Variants in SGK2 observed in about 807,000 individuals in gnomAD.
SGK2 encodes serum/glucocorticoid regulated kinase 2, also known as serine/threonine-protein kinase Sgk2.
In SGK2, 36 loss-of-function variants were observed where a neutral mutation model predicts 47.5. The observed-to-expected ratio is 0.76, with a 90% CI of 0.58 to 1.00. The LOEUF is 1.00. Ranked by LOEUF, SGK2 falls within the 50% of genes least tolerant of loss-of-function variation. The probability of loss-of-function intolerance (pLI) is 0.00; values close to 1 mark genes in which losing one functional copy is unlikely to be tolerated. For missense variants in SGK2, 404 were observed against 467.4 expected (o/e 0.86, Z 1.25); for synonymous variants, 157 against 181.9 (o/e 0.86, Z 1.10).
Position 43,576,449 on chromosome 20 carries a change from C to A in SGK2, c.849+70C>A. On this transcript the variant is annotated intron_variant, in intron 11 of 12. Transcript: ENST00000373100. ...GCTTCCTGCAGAGGCAGCTCAGAAG[C>A]ACATTAACACGCATCCTGCTGCCTT... The A allele has an allele frequency of 7.4e-6, 10 of 1,347,930 alleles. No homozygotes were observed. In the South Asian group the frequency reaches 1.2e-4, roughly 16 times the overall value. The allele number at this position is 1,347,930 out of a possible 1,614,324, so 83.5% of individuals were successfully genotyped here. A position where few individuals can be genotyped will look rare whatever the true frequency, so the allele number is the denominator to read the frequency against.
In SGK2 at chr20:43,574,952, C is replaced by T. The variant is rs562801174; in HGVS notation, c.641C>T (p.Ala214Val). ...EVLRKEPYDR[A>V]VDWWCLGAVL... is the part of the protein sequence containing the mutation. ...CTTCGGAAAGAGCCTTATGATCGAG[C>T]AGTGGACTGGTGGTGCTTGGGGGCA... The change falls in exon 10 of 13, where the codon GCA becomes GTA. Residue 214 changes from alanine (A) to valine (V), a missense_variant. Ala to Val is a moderately conservative substitution (Grantham distance 64). Coordinates refer to ENST00000373100, the MANE Select transcript of SGK2 (RefSeq NM_170693.3). 1.1e-5 allele frequency: 18 copies of T among 1,613,732 alleles called. No individual in the cohort carries two copies. The South Asian group carries it at 1.5e-4, about 14-fold the overall frequency.
At chr20:43,561,974 C>A (rs1979414144) in intron 1 of SGK2, among the ~76,000 whole-genome samples, 1 of 152,024 alleles carries the variant, frequency 6.6e-6, no homozygotes, top group Non-Finnish European at 1.5e-5. Flanking sequence ...AGTGAGGGTG[C>A]AAGCTTTCTA....
At chr20:43,565,552 A>AC (rs1212539769) in intron 1 of SGK2, among the ~76,000 whole-genome samples, 6 of 150,838 alleles carry the variant, frequency 4.0e-5, no homozygotes, top group South Asian at 4.2e-4. Context: ...TGCCTCCAGG[A>AC]CCCCCCCTTG....
intron 7 of SGK2, 122 bp from the exon 8 acceptor site, chr20:43,570,899 CCTT>C (rs1313199895): frequency 4.0e-6 from 6 of 1,485,500 alleles, no homozygotes; most frequent in Non-Finnish European, 5.6e-6. Context: ...TCTGGGCTCT[CCTT>C]CTGCATCTCT....
intron 10 of SGK2, 37 bp downstream of exon 10, chr20:43,575,041 C>T (rs972800045): frequency 4.2e-6 from 6 of 1,419,910 alleles, no homozygotes. Context: ...GGCCATCTGG[C>T]TAGGGATGGG....
At chr20:43,579,517 G>T (rs1980663272) in intron 11 of SGK2, among the ~76,000 whole-genome samples, 1 of 152,128 alleles carries the variant, frequency 6.6e-6, no homozygotes, top group African/African-American at 2.4e-5. Flanking sequence ...GAATCTGAAG[G>T]TCTTCTTGGG....
At chr20:43,570,035 C>G (rs771591223) in intron 6 of SGK2, among the ~76,000 whole-genome samples, 24 of 152,198 alleles carry the variant, frequency 1.6e-4, no homozygotes, top group South Asian at 2.1e-4. Flanking sequence ...CCTGCGTGAT[C>G]TCTTGCCTTT....
intron 9 of SGK2, 25 bp from the exon 10 acceptor site, chr20:43,574,884 A>C (rs1980368202): frequency 6.3e-7 from 1 of 1,593,382 alleles, no homozygotes. Flanking sequence ...GACTTATTTC[A>C]AATAAGTGTG....
chr20:43,572,965 C>T lies in SGK2; in HGVS notation c.597+828C>T, dbSNP rs1600994183. Among the ~76,000 whole-genome samples the T allele has an allele frequency of 3.3e-5, 5 of 152,140 alleles. No homozygotes were observed. The South Asian group carries it at 6.2e-4, about 19-fold the overall frequency. On this transcript the variant is annotated intron_variant, in intron 9 of 12. Coordinates refer to ENST00000373100, the MANE Select transcript of SGK2 (RefSeq NM_170693.3). This position sits in a 1 kb window ranked among gnomAD's most constrained non-coding sequence, Gnocchi z 4.2. Reference sequence around the variant, plus strand: ...CCACATTTGAAGTGTTCGATAGCCACGTGCAGCCAGTGGCTGCTATATTGT... The same window carrying T: ...CCACATTTGAAGTGTTCGATAGCCATGTGCAGCCAGTGGCTGCTATATTGT...
chr20:43,571,994 C>A, intron 8 of SGK2, 57 bp from the exon 9 acceptor site: 1 of 1,298,990 alleles, frequency 7.7e-7, no homozygotes, highest in Non-Finnish European at 1.1e-6. Context: ...GGGGGTTAGG[C>A]CTGGCCATAC....
intron 1 of SGK2, among the ~76,000 whole-genome samples, chr20:43,559,634 G>A (rs1568654136): frequency 6.6e-6 from 1 of 152,186 alleles, no homozygotes; most frequent in Non-Finnish European, 1.5e-5. Context: ...CACTTGAACT[G>A]GGCAGGCGTG....
intron 11 of SGK2, among the ~76,000 whole-genome samples, chr20:43,577,612 G>A (rs1475828601): frequency 6.7e-6 from 1 of 149,750 alleles, no homozygotes. Context: ...GCCTCCCAAA[G>A]TGCTGGGATT....
chr20:43,574,571 C>T (rs1196921744), intron 9 of SGK2, among the ~76,000 whole-genome samples: 2 of 152,190 alleles, frequency 1.3e-5, no homozygotes, highest in East Asian at 3.8e-4. Flanking sequence ...ATAAAGTTGC[C>T]GGATAATACC....
intron 6 of SGK2, among the ~76,000 whole-genome samples, chr20:43,569,945 G>A (rs370972979): frequency 3.3e-4 from 50 of 152,314 alleles, no homozygotes; most frequent in African/African-American, 1.1e-3. Context: ...GACAAGCAGA[G>A]CTCCCTCCTG....
intron 11 of SGK2, 152 bp from the exon 12 acceptor site, chr20:43,579,820 C>A (rs1980679570): frequency 7.8e-6 from 5 of 639,832 alleles, no homozygotes; most frequent in South Asian, 1.8e-5. Context: ...GGCTGCAAAA[C>A]TCTCTTGTCC....
chr20:43,582,383 T>TTTTTA (rs1172272698), intron 12 of SGK2, among the ~76,000 whole-genome samples: 8 of 151,934 alleles, frequency 5.3e-5, no homozygotes, highest in Non-Finnish European at 5.9e-5. Context: ...TTTATTTTTA[T>TTTTTA]TTTTATTTTA....
chr20:43,583,421 A>G (rs1324802684), intron 12 of SGK2: 1 of 1,206,884 alleles, frequency 8.3e-7, no homozygotes, highest in Non-Finnish European at 1.1e-6. Flanking sequence ...ACAACTAATA[A>G]GGGCCAGGAT....
In SGK2 at chr20:43,584,866, C is replaced by T. The variant is rs1480131939; in HGVS notation, c.954C>T (p.Asp318=). The T allele has an allele frequency of 6.2e-7, 1 of 1,613,838 alleles. No individual in the cohort carries two copies. Among genetic ancestry groups the T allele is most frequent in the African/African-American group, 1.3e-5 (1 of 74,924 alleles). Residue 318 remains aspartate, a synonymous_variant, in exon 13 of 13, where the codon GAC becomes GAT. Transcript: ENST00000373100. ...TTTATTGACAGACAGGACCTGCTGA[C>T]TTGAAGCATTTTGACCCAGAGTTCA... is the stretch of plus-strand genomic sequence containing the variant. ...PFNPNVTGPA[D]LKHFDPEFTQ...
At chr20:43,577,648 C>CTTT (rs746290613) in intron 11 of SGK2, among the ~76,000 whole-genome samples, 10 of 131,554 alleles carry the variant, frequency 7.6e-5, no homozygotes, top group Non-Finnish European at 1.3e-4. Context: ...CATGCTTGGC[C>CTTT]TTTTTTTTTT....
Sources: gnomAD v4.1 joint callset for allele counts (sites outside exome capture counted in the v4.1 genomes callset) on GRCh38, gnomAD v4.1.1 for gene constraint, Gnocchi (gnomAD v3.1) non-coding constraint, MANE v1.5 for transcripts, NCBI Gene and HGNC (gene_info 2026-07-23, HGNC 2026-07-21) for gene names.